Variants in ADAMTSL1 observed in about 807,000 individuals in gnomAD.
The protein encoded by ADAMTSL1 is ADAMTS-like protein 1.
A neutral mutation model predicts 201.8 loss-of-function variants in ADAMTSL1; 126 were observed. The ratio of observed to expected loss-of-function variants is 0.62; its 90% confidence interval spans 0.54 to 0.72. The LOEUF (loss-of-function observed/expected upper bound fraction) is 0.72, where lower values mean the gene tolerates loss of function less well. Among genes scored for constraint, ADAMTSL1 ranks in the 30% least tolerant of loss-of-function variants. The pLI is 0.00. For synonymous variants in ADAMTSL1, 1,121 were observed against 903.4 expected, an observed-to-expected ratio of 1.24 and a Z score of -4.32; for missense variants, 2,679 against 2,277.8, an observed-to-expected ratio of 1.18 and a Z score of -3.59.
chr9:18,143,798 A>G (rs976789407), intron 1 of ADAMTSL1, among the ~76,000 whole-genome samples: 6 of 152,310 alleles, frequency 3.9e-5, no homozygotes, highest in East Asian at 3.9e-4. Flanking sequence ...AGACTCTTTC[A>G]TTATAGATGT....
chr9:18,368,204 C>T (rs921242480), intron 2 of ADAMTSL1, among the ~76,000 whole-genome samples: 1 of 152,150 alleles, frequency 6.6e-6, no homozygotes, highest in Admixed American at 6.5e-5. Context: ...CGTGAGCCAC[C>T]GCGCCTGGCT....
At position 18,289,163 on chromosome 9, in the gene ADAMTSL1, AT is replaced by A. The variant is rs1356435775; in HGVS notation, c.207+125183del. On this transcript the variant is annotated intron_variant, in intron 2 of 29. Coordinates refer to the ADAMTSL1 transcript ENST00000680146. Reference sequence around the variant, plus strand: ...TATCTATCTATCTATCTATCTATCTATCTATCTATCTACCTACCTATCTATC... The same window carrying A: ...TATCTATCTATCTATCTATCTATCTACTATCTATCTACCTACCTATCTATC... 5.6e-5 allele frequency among the ~76,000 whole-genome samples: 7 copies of A among 125,958 alleles called. No individual in the cohort carries two copies. The East Asian group carries it at 1.1e-3, about 20-fold the overall frequency. The allele number at this position is 125,958 out of a possible 152,430, so 82.6% of individuals were successfully genotyped here.
At chr9:18,802,911 G>A (rs1389986276) in intron 20 of ADAMTSL1, among the ~76,000 whole-genome samples, 1 of 152,172 alleles carries the variant, frequency 6.6e-6, no homozygotes, top group Non-Finnish European at 1.5e-5. Flanking sequence ...TCATGAGCGT[G>A]AAGTAGTACT....
At chr9:18,884,493 A>G (rs148020953) in intron 23 of ADAMTSL1, among the ~76,000 whole-genome samples, 131 of 152,140 alleles carry the variant, frequency 8.6e-4, no homozygotes, top group East Asian at 4.6e-3. Context: ...TGCCAAACCC[A>G]ATGTCATTAA....
At chr9:18,169,386 C>G (rs1368507070) in intron 2 of ADAMTSL1, among the ~76,000 whole-genome samples, 3 of 152,034 alleles carry the variant, frequency 2.0e-5, no homozygotes, top group Non-Finnish European at 4.4e-5. Context: ...ATAGGGAATC[C>G]TTTCCCCATT....
intron 2 of ADAMTSL1, among the ~76,000 whole-genome samples, chr9:18,220,873 C>A (rs1030578218): frequency 2.6e-5 from 4 of 151,892 alleles, no homozygotes; most frequent in African/African-American, 9.7e-5. Context: ...TTCCCAGGCT[C>A]AAGTTATCCT....
At chr9:17,987,240 T>C (rs1423302502) in intron 1 of ADAMTSL1, among the ~76,000 whole-genome samples, 2 of 152,128 alleles carry the variant, frequency 1.3e-5, no homozygotes, top group Non-Finnish European at 2.9e-5. Flanking sequence ...ATTACTATCG[T>C]AGTGTTCACA....
At chr9:18,513,425 T>A (rs1818160490) in intron 2 of ADAMTSL1, among the ~76,000 whole-genome samples, 1 of 152,220 alleles carries the variant, frequency 6.6e-6, no homozygotes, top group East Asian at 1.9e-4. Flanking sequence ...TCTGACTTAT[T>A]TCACTCAGGA....
chr9:18,247,184 A>C (rs910803495), intron 2 of ADAMTSL1, among the ~76,000 whole-genome samples: 1 of 152,218 alleles, frequency 6.6e-6, no homozygotes, highest in African/African-American at 2.4e-5. Flanking sequence ...ACAAATAATA[A>C]AACACAATAT....
At chr9:18,506,845 T>C (rs1817694308) in intron 2 of ADAMTSL1, among the ~76,000 whole-genome samples, 1 of 152,118 alleles carries the variant, frequency 6.6e-6, no homozygotes, top group African/African-American at 2.4e-5. Flanking sequence ...CTACCCATTC[T>C]TTAGGAATTT....
At chr9:18,032,866 C>T (rs1341530311) in intron 1 of ADAMTSL1, among the ~76,000 whole-genome samples, 1 of 148,428 alleles carries the variant, frequency 6.7e-6, no homozygotes, top group African/African-American at 2.5e-5. Context: ...GACCAGCAAC[C>T]TGTCCTGGTG....
In ADAMTSL1 at chr9:18,298,555, G is replaced by A. The variant is rs531814384; in HGVS notation, c.207+134574G>A. On this transcript the variant is annotated intron_variant, in intron 2 of 29. Coordinates refer to the ADAMTSL1 transcript ENST00000680146. The stretch of plus-strand genomic sequence containing the variant: ...TGTGTGTGTGTGCACGTGTGTGTCC[G>A]TGTGTTATTCAGTGCTTATTGTGAG... Among the ~76,000 whole-genome samples the A allele has an allele frequency of 5.3e-5, 8 of 152,056 alleles. No individual in the cohort carries two copies. In the South Asian group the frequency reaches 6.2e-4, roughly 12 times the overall value.
chr9:18,694,036 A>G (rs78648439), intron 13 of ADAMTSL1, among the ~76,000 whole-genome samples: 1,685 of 152,290 alleles, frequency 0.011, 30 homozygotes, highest in African/African-American at 0.038. Context: ...GAGAAGGGGA[A>G]GCAGGCACAT....
At chr9:18,314,507 G>A (rs537571448) in intron 2 of ADAMTSL1, among the ~76,000 whole-genome samples, 2 of 152,044 alleles carry the variant, frequency 1.3e-5, no homozygotes, top group East Asian at 1.9e-4. Context: ...TGTGTCTGGA[G>A]TTGTTTGTTC....
intron 16 of ADAMTSL1, among the ~76,000 whole-genome samples, chr9:18,763,050 A>C (rs1341726182): frequency 6.6e-6 from 1 of 152,154 alleles, no homozygotes; most frequent in Non-Finnish European, 1.5e-5. Flanking sequence ...ATCATACGGT[A>C]GCTCAATTTT....
chr9:18,524,799 T>G (rs1462517723), intron 2 of ADAMTSL1, among the ~76,000 whole-genome samples: 6 of 152,208 alleles, frequency 3.9e-5, no homozygotes, highest in Admixed American at 3.3e-4. Context: ...GCCCACTTGA[T>G]CATGGTGGAC....
chr9:18,892,425 C>A lies in ADAMTSL1; in HGVS notation c.4680C>A (p.Ser1560Arg). The change falls in exon 26 of 29, where the codon AGC becomes AGA. Residue 1560 changes from serine (S) to arginine (R), a missense_variant. By Grantham distance (110) the Ser-to-Arg change is moderately radical. Transcript: ENST00000380548. ...MVTSWSACTR[S>R]CGGGVQTRRV... is the part of the protein sequence containing the mutation. Reference sequence around the variant, plus strand: ...CCTCCTGGTCTGCCTGTACCCGGAGCTGTGGGGGAGGTGTCCAGACCCGCA... The same window carrying A: ...CCTCCTGGTCTGCCTGTACCCGGAGATGTGGGGGAGGTGTCCAGACCCGCA... 1 of 1,613,596 alleles carries A rather than the reference C, an allele frequency of 6.2e-7. No homozygotes were observed. The highest frequency in any genetic ancestry group is 8.5e-7 in the Non-Finnish European group (1 of 1,179,786).
At chr9:18,488,953 A>G (rs1025188581) in intron 1 of ADAMTSL1, among the ~76,000 whole-genome samples, 4 of 152,180 alleles carry the variant, frequency 2.6e-5, no homozygotes, top group African/African-American at 9.6e-5. Context: ...CAAGAAAGTC[A>G]TCCAGTGAAT....
intron 14 of ADAMTSL1, among the ~76,000 whole-genome samples, chr9:18,714,833 G>A (rs1311765006): frequency 1.3e-5 from 2 of 151,550 alleles, no homozygotes; most frequent in Non-Finnish European, 2.9e-5. Context: ...GATGAACATT[G>A]ATGCAAAAAT....
Sources: gnomAD v4.1 joint callset for allele counts (sites outside exome capture counted in the v4.1 genomes callset) on GRCh38, gnomAD v4.1.1 for gene constraint, MANE v1.5 for transcripts, NCBI Gene and HGNC (gene_info 2026-07-23, HGNC 2026-07-21) for gene names.